COL11A1: variants seen among roughly 807,000 people sequenced by gnomAD.
COL11A1 encodes the protein collagen type XI alpha 1 chain, also known as collagen alpha-1(XI) chain.
Under a neutral mutation model 265.2 loss-of-function variants are expected in COL11A1, and 74 were observed. The ratio of observed to expected loss-of-function variants is 0.28; its 90% CI spans 0.23 to 0.34. The LOEUF is 0.34. COL11A1 is among the 10% of genes least tolerant of loss of function. The pLI, the probability that COL11A1 is intolerant of heterozygous loss-of-function variation, is 1.00. For missense variants in COL11A1, 2,165 were observed against 2,263.6 expected, an observed-to-expected ratio of 0.96 and a Z score of 0.88; for synonymous variants, 816 against 727.6, an observed-to-expected ratio of 1.12 and a Z score of -1.96.
At chr1:103,008,997 C>T (rs1330190345) in intron 14 of COL11A1, among the ~76,000 whole-genome samples, 1 of 152,032 alleles carries the variant, frequency 6.6e-6, no homozygotes, top group African/African-American at 2.4e-5. Flanking sequence ...ATGGCAAGAA[C>T]CTGGTGTTAT....
intron 4 of COL11A1, among the ~76,000 whole-genome samples, chr1:103,049,931 ACT>A (rs1341815959): frequency 6.6e-6 from 1 of 152,048 alleles, no homozygotes; most frequent in Non-Finnish European, 1.5e-5. Context: ...ATTGGCCCCC[ACT>A]CTCTTCTGGC....
In COL11A1 at chr1:103,026,282, C is replaced by T. The variant is rs1458572298; in HGVS notation, c.831G>A (p.Glu277=). The part of the protein sequence containing the change: ...IEYDYEYGEA[E]YKEAESVTEG... Reference sequence around the variant, plus strand: ...CTGTTACACTTTCAGCCTCTTTATACTCTGCTTCCCCATACTCATAGTCAT... The same window carrying T: ...CTGTTACACTTTCAGCCTCTTTATATTCTGCTTCCCCATACTCATAGTCAT... Residue 277 remains glutamate (E), a synonymous_variant, in exon 6 of 67, where the codon GAG becomes GAA. Coordinates refer to ENST00000370096, the MANE Select transcript of COL11A1 (RefSeq NM_001854.4). 1 of 1,613,772 alleles carries T rather than the reference C, an allele frequency of 6.2e-7. No homozygotes were observed. Among genetic ancestry groups the T allele is most frequent in the East Asian group, 2.2e-5 (1 of 44,868 alleles).
chr1:102,893,120 T>G (rs1651974068), intron 57 of COL11A1, among the ~76,000 whole-genome samples: 1 of 152,180 alleles, frequency 6.6e-6, no homozygotes, highest in Non-Finnish European at 1.5e-5. Context: ...TTTGAATTAT[T>G]ATCATTAGTT....
At chr1:103,019,589 CT>C (rs68133011) in intron 9 of COL11A1, among the ~76,000 whole-genome samples, 101,426 of 151,690 alleles carry the variant, frequency 0.67, 35,942 homozygotes, top group East Asian at 0.93. Context: ...CTTTTTATTC[CT>C]TTTTTTTATT....
chr1:102,911,114 T>A lies in COL11A1; in HGVS notation c.4086+1045A>T, dbSNP rs114776180. ...CATGGTTGTTTGGGGATAAATCTAT[T>A]GACACTGAGACCATGCTTTGGGGTT... On this transcript the variant is annotated intron_variant, in intron 54 of 66. Transcript: ENST00000370096. Among the ~76,000 whole-genome samples, 363 of 152,252 alleles carry A rather than the reference T, an allele frequency of 2.4e-3. 2 individuals carry two copies. Among genetic ancestry groups the A allele is most frequent in the African/African-American group, 8.3e-3 (345 of 41,562 alleles).
In COL11A1 at chr1:103,108,193, C is replaced by T. The variant is rs1454138267; in HGVS notation, c.-15G>A. 2 of 1,610,074 alleles carry T rather than the reference C, an allele frequency of 1.2e-6. No homozygotes were observed. Among genetic ancestry groups the T allele is most frequent in the Admixed American group, 3.3e-5 (2 of 59,994 alleles). ...CACGGCTCCATCTCCGAGCCCCGCA[C>T]TCACAACTGTGAACTCAACCCACGA... On this transcript the variant is annotated 5_prime_UTR_variant, in exon 1 of 67. The change creates a new upstream start codon in the 5' untranslated region. Coordinates refer to ENST00000370096, the MANE Select transcript of COL11A1 (RefSeq NM_001854.4).
intron 4 of COL11A1, among the ~76,000 whole-genome samples, chr1:103,067,022 T>C (rs1318453521): frequency 1.3e-5 from 2 of 151,650 alleles, no homozygotes; most frequent in African/African-American, 2.4e-5. Flanking sequence ...ATGCAATACA[T>C]GCCGCAAAAA....
intron 46 of COL11A1, among the ~76,000 whole-genome samples, chr1:102,927,443 G>A (rs913359735): frequency 6.6e-6 from 1 of 152,154 alleles, no homozygotes; most frequent in Admixed American, 6.5e-5. Context: ...ACGGCCAGGC[G>A]CAGTGGCTCA....
intron 31 of COL11A1, among the ~76,000 whole-genome samples, chr1:102,980,892 T>A (rs12025848): frequency 0.65 from 98,177 of 151,934 alleles, 32,890 homozygotes; most frequent in East Asian, 0.91. Context: ...GTCTTGAAGC[T>A]GTATTCTCAG....
At chr1:103,019,193 T>C (rs1666800040) in intron 9 of COL11A1, among the ~76,000 whole-genome samples, 2 of 152,172 alleles carry the variant, frequency 1.3e-5, no homozygotes, top group Non-Finnish European at 1.5e-5. Context: ...TTTTCGTTTG[T>C]TTGTAGCCCA....
At position 102,971,029 on chromosome 1, in the gene COL11A1, A is replaced by ACAAAC. The variant is rs1553221971; in HGVS notation, c.2809-758_2809-757insGTTTG. Among the ~76,000 whole-genome samples the ACAAAC allele has an allele frequency of 5.4e-3, 794 of 146,910 alleles. 2 individuals carry two copies. The highest frequency in any genetic ancestry group is 0.016 in the East Asian group (78 of 4,972). On this transcript the variant is annotated intron_variant, in intron 36 of 66. Transcript: ENST00000370096. ...ACAAAAAACAAAACAAAACAAACAA[A>ACAAAC]AAAAAACCAAGAATGCAAAATAAAT...
intron 4 of COL11A1, among the ~76,000 whole-genome samples, chr1:103,064,635 G>A (rs12733249): frequency 0.037 from 5,545 of 148,158 alleles, 113 homozygotes; most frequent in Middle Eastern, 0.095. Flanking sequence ...AGCTTGCAGT[G>A]AGCCTAGGTT....
Position 103,074,726 on chromosome 1 carries a change from A to G in COL11A1, c.543T>C (p.Asp181=), listed in dbSNP as rs776733955. 8.1e-6 allele frequency: 13 copies of G among 1,613,354 alleles called. No homozygotes were observed. The highest frequency in any genetic ancestry group is 1.1e-5 in the Non-Finnish European group (13 of 1,179,620). The change falls in exon 4 of 67, where the codon GAT becomes GAC. Residue 181 remains aspartate, a synonymous_variant. Coordinates refer to ENST00000370096, the MANE Select transcript of COL11A1 (RefSeq NM_001854.4). ...VEKKTVTMIV[D]CKKKTTKPLD... is the part of the protein sequence containing the mutation. ...GTGGTTTCGTGGTTTTCTTCTTACA[A>G]TCAACAATCATTGTCACAGTTTTCT...
At chr1:103,026,051 C>A in intron 6 of COL11A1, 165 bp downstream of exon 6, 1 of 1,295,814 alleles carries the variant, frequency 7.7e-7, no homozygotes, top group Non-Finnish European at 1.1e-6. Context: ...GTGAAATGGA[C>A]ATCATTCTTC....
intron 66 of COL11A1, 96 bp downstream of exon 66, chr1:102,879,587 T>G (rs1349918500): frequency 1.9e-6 from 2 of 1,034,376 alleles, no homozygotes; most frequent in Non-Finnish European, 3.0e-6. Flanking sequence ...ACAACTGACG[T>G]CCATTTCATG....
Position 102,933,068 on chromosome 1 carries a change from G to C in COL11A1, c.3600+1381C>G, listed in dbSNP as rs368469654. Among the ~76,000 whole-genome samples, 6 of 145,964 alleles carry C rather than the reference G, an allele frequency of 4.1e-5. No individual in the cohort carries two copies. The South Asian group carries it at 1.4e-3, about 33-fold the overall frequency. ...TCCCGTAGCTCAGAGTAATTTGATC[G>C]TCTGAAGCCTTCTTCTCTCAGCTCA... On this transcript the variant is annotated intron_variant, in intron 46 of 66. Transcript: ENST00000370096.
At chr1:103,057,884 C>T (rs899355658) in intron 4 of COL11A1, among the ~76,000 whole-genome samples, 5 of 152,000 alleles carry the variant, frequency 3.3e-5, no homozygotes, top group Admixed American at 2.6e-4. Flanking sequence ...CTTAAGGGTC[C>T]CAGGATTTTT....
intron 1 of COL11A1, among the ~76,000 whole-genome samples, chr1:103,103,943 C>T (rs1428207408): frequency 6.6e-6 from 1 of 151,934 alleles, no homozygotes; most frequent in Non-Finnish European, 1.5e-5. Context: ...ATTTAAAATT[C>T]TTTTGATCAC....
At chr1:103,051,923 G>C (rs1343304877) in intron 4 of COL11A1, among the ~76,000 whole-genome samples, 5 of 152,146 alleles carry the variant, frequency 3.3e-5, no homozygotes, top group African/African-American at 1.2e-4. Context: ...TAGTTCATAA[G>C]TAATATGAAA....
Sources: allele counts gnomAD v4.1 joint callset (sites outside exome capture counted in the v4.1 genomes callset), GRCh38; gene constraint gnomAD v4.1.1; transcripts MANE v1.5; gene names NCBI Gene and HGNC (gene_info 2026-07-23, HGNC 2026-07-21).